The following RPTOR variants were observed in gnomAD, a reference collection of about 807,000 sequenced individuals.
The protein encoded by RPTOR is regulatory-associated protein of mTOR.
In RPTOR, 21 loss-of-function variants were observed where a neutral mutation model predicts 169.9. The observed-to-expected ratio is 0.12, with a 90% CI of 0.09 to 0.18. RPTOR has a LOEUF of 0.18. Among genes scored for constraint, RPTOR ranks in the 10% least tolerant of loss-of-function variants. The pLI, the probability that RPTOR is intolerant of heterozygous loss-of-function variation, is 1.00. For synonymous variants in RPTOR, 732 were observed against 753.2 expected (o/e 0.97, Z 0.46); for missense variants, 1,133 against 1,855.9 (o/e 0.61, Z 7.16).
At chr17:80,722,936 G>A (rs1451952889) in intron 4 of RPTOR, among the ~76,000 whole-genome samples, 1 of 151,414 alleles carries the variant, frequency 6.6e-6, no homozygotes, top group Non-Finnish European at 1.5e-5. Context: ...CCCAGCCTGG[G>A]ATGGTTCCTC....
intron 1 of RPTOR, among the ~76,000 whole-genome samples, chr17:80,552,142 C>T (rs897911070): frequency 6.6e-6 from 1 of 152,212 alleles, no homozygotes; most frequent in African/African-American, 2.4e-5. Flanking sequence ...TATACAGACA[C>T]AGTAACAATC....
At chr17:80,577,033 C>T (rs1188129772) in intron 1 of RPTOR, among the ~76,000 whole-genome samples, 1 of 142,790 alleles carries the variant, frequency 7.0e-6, no homozygotes, top group Non-Finnish European at 1.5e-5. Flanking sequence ...AGTCATAATT[C>T]TTTTTTTTTT....
At chr17:80,858,141 C>T (rs140304840) in intron 13 of RPTOR, 5,389 of 535,392 alleles carry the variant, frequency 0.01, 42 homozygotes, top group Non-Finnish European at 0.014. Flanking sequence ...TGCGCTCAGT[C>T]CCCCCACACC....
chr17:80,907,068 G>A (rs1040255745), intron 20 of RPTOR, among the ~76,000 whole-genome samples: 12 of 152,136 alleles, frequency 7.9e-5, no homozygotes, highest in Admixed American at 3.3e-4. Context: ...TTTCGCACCC[G>A]CCTCCATCTC....
At chr17:80,875,453 G>A (rs1185297944) in intron 13 of RPTOR, among the ~76,000 whole-genome samples, 1 of 152,188 alleles carries the variant, frequency 6.6e-6, no homozygotes, top group East Asian at 1.9e-4. Flanking sequence ...ATTGGCTTCA[G>A]TGTGTGGTGA....
intron 5 of RPTOR, 51 bp from the exon 6 acceptor site, chr17:80,753,959 G>C (rs76187723): frequency 6.6e-7 from 1 of 1,515,308 alleles, no homozygotes. Context: ...CTATTTGGTT[G>C]TGACCAGCAG....
At chr17:80,886,731 G>A (rs969717078) in intron 17 of RPTOR, among the ~76,000 whole-genome samples, 4 of 152,202 alleles carry the variant, frequency 2.6e-5, no homozygotes, top group Non-Finnish European at 5.9e-5. Flanking sequence ...CGCCTGCACG[G>A]CTGCCTGCTG....
intron 6 of RPTOR, among the ~76,000 whole-genome samples, chr17:80,791,152 C>T (rs1301355624): frequency 2.0e-5 from 3 of 152,198 alleles, no homozygotes; most frequent in African/African-American, 7.2e-5. Context: ...GGAGACTGAG[C>T]TTTATTAAGC....
At chr17:80,818,526 C>T (rs1429102133) in intron 7 of RPTOR, among the ~76,000 whole-genome samples, 1 of 152,114 alleles carries the variant, frequency 6.6e-6, no homozygotes, top group Non-Finnish European at 1.5e-5. Flanking sequence ...ATCGTTTCTG[C>T]AAGGATTTAA....
chr17:80,626,166 G>A (rs1476953345), intron 2 of RPTOR, among the ~76,000 whole-genome samples: 1 of 151,838 alleles, frequency 6.6e-6, no homozygotes, highest in Non-Finnish European at 1.5e-5. Flanking sequence ...CATTCTCATG[G>A]CTCAGCCTCC....
At chr17:80,835,776 A>G (rs1310431391) in intron 9 of RPTOR, among the ~76,000 whole-genome samples, 2 of 152,228 alleles carry the variant, frequency 1.3e-5, no homozygotes, top group Non-Finnish European at 2.9e-5. Context: ...TGTATATGCA[A>G]ATATTCCAAA....
At chr17:80,613,028 G>A (rs2065282229) in intron 1 of RPTOR, among the ~76,000 whole-genome samples, 1 of 152,222 alleles carries the variant, frequency 6.6e-6, no homozygotes. Flanking sequence ...TGTCCACAGA[G>A]CCAGGGTCCC....
intron 7 of RPTOR, among the ~76,000 whole-genome samples, chr17:80,794,660 A>G (rs2067083240): frequency 6.6e-6 from 1 of 152,222 alleles, no homozygotes; most frequent in Non-Finnish European, 1.5e-5. Context: ...AGCAACCAAA[A>G]TGTCCCTCCC....
Position 80,964,470 on chromosome 17 carries a change from G to T in RPTOR, c.*140G>T, listed in dbSNP as rs1328801320. On this transcript the variant is annotated 3_prime_UTR_variant, in exon 34 of 34. Coordinates refer to ENST00000306801, the MANE Select transcript of RPTOR (RefSeq NM_020761.3). Reference sequence around the variant, plus strand: ...GCCTTAGCTGCTGATGACGGCAGGAGGGCCCTGCTACTCGCTTTTGTCTGT... The same window carrying T: ...GCCTTAGCTGCTGATGACGGCAGGATGGCCCTGCTACTCGCTTTTGTCTGT... 6 of 782,284 alleles carry T rather than the reference G, an allele frequency of 7.7e-6. No homozygotes were observed. The highest frequency in any genetic ancestry group is 1.3e-5 in the Non-Finnish European group (6 of 468,514). 48.5% of individuals were successfully genotyped at this position (782,284 alleles called of 1,614,324 possible). A position where few individuals can be genotyped will look rare whatever the true frequency, so the allele number is the denominator to read the frequency against.
intron 19 of RPTOR, among the ~76,000 whole-genome samples, chr17:80,893,427 T>C (rs888884448): frequency 1.4e-5 from 2 of 140,854 alleles, no homozygotes; most frequent in South Asian, 2.3e-4. Flanking sequence ...GGTGTGTGTG[T>C]GCCAGGGTGT....
At chr17:80,769,524 G>A (rs991777975) in intron 6 of RPTOR, among the ~76,000 whole-genome samples, 1 of 152,160 alleles carries the variant, frequency 6.6e-6, no homozygotes, top group Non-Finnish European at 1.5e-5. Flanking sequence ...AGTCATGAAG[G>A]TTATGAGACA....
At chr17:80,598,059 T>C (rs2065157020) in intron 1 of RPTOR, among the ~76,000 whole-genome samples, 1 of 152,090 alleles carries the variant, frequency 6.6e-6, no homozygotes, top group African/African-American at 2.4e-5. Context: ...GGAGGATCTC[T>C]TGAGTCCATC....
chr17:80,808,792 G>A (rs1228865106), intron 7 of RPTOR, among the ~76,000 whole-genome samples: 1 of 152,182 alleles, frequency 6.6e-6, no homozygotes, highest in Admixed American at 6.5e-5. Context: ...GCTCTTTTCT[G>A]TCTCTTCCTT....
At chr17:80,962,081 C>T (rs2069350570) in intron 31 of RPTOR, among the ~76,000 whole-genome samples, 1 of 152,234 alleles carries the variant, frequency 6.6e-6, no homozygotes, top group Admixed American at 6.5e-5. Context: ...CCACAGCCTG[C>T]CATCCAGGCT....
Sources: gnomAD v4.1 joint callset for allele counts (sites outside exome capture counted in the v4.1 genomes callset) on GRCh38, gnomAD v4.1.1 for gene constraint, MANE v1.5 for transcripts, NCBI Gene and HGNC (gene_info 2026-07-23, HGNC 2026-07-21) for gene names.